KCNE3: variants seen among roughly 807,000 people sequenced by gnomAD.
The protein encoded by KCNE3 is potassium voltage-gated channel subfamily E regulatory subunit 3.
KCNE3 carries 2 observed loss-of-function variants against 4.3 expected under a neutral mutation model. That is an observed-to-expected ratio of 0.47 (90% CI 0.19 to 1.48). The LOEUF is 1.48. Among genes scored for constraint, KCNE3 ranks in the 40% most tolerant of loss-of-function variants. KCNE3 has a pLI of 0.25. For missense variants in KCNE3, 128 were observed against 136.8 expected, an observed-to-expected ratio of 0.94 and a Z score of 0.32; for synonymous variants, 47 against 52.0, an observed-to-expected ratio of 0.90 and a Z score of 0.41.
chr11:74,459,499 T>G (rs1013709778), intron 2 of KCNE3, among the ~76,000 whole-genome samples: 1 of 152,164 alleles, frequency 6.6e-6, no homozygotes, highest in East Asian at 1.9e-4. Flanking sequence ...CCTGACTTTG[T>G]GATTCGCCCA....
At chr11:74,461,290 T>A (rs1863946118) in intron 2 of KCNE3, among the ~76,000 whole-genome samples, 2 of 101,410 alleles carry the variant, frequency 2.0e-5, no homozygotes. Context: ...TATTTTTATG[T>A]TTTGTGTGTG....
chr11:74,462,241 C>T (rs12291914), intron 1 of KCNE3, 138 bp from the exon 2 acceptor site: 2,294 of 152,874 alleles, frequency 0.015, 54 homozygotes, highest in African/African-American at 0.053. Context: ...CCTCCCATGG[C>T]CCCTCCCCTT....
chr11:74,460,138 G>C (rs1376455660), intron 2 of KCNE3, among the ~76,000 whole-genome samples: 1 of 152,182 alleles, frequency 6.6e-6, no homozygotes, highest in Non-Finnish European at 1.5e-5. Context: ...TTCATGCAAG[G>C]CCTTTGGGGC....
At chr11:74,466,402 G>T (rs967299803) in intron 1 of KCNE3, among the ~76,000 whole-genome samples, 6 of 152,174 alleles carry the variant, frequency 3.9e-5, no homozygotes, top group African/African-American at 1.4e-4. Context: ...CCCCCAGCAT[G>T]GGTCTTCCTC....
At chr11:74,464,539 A>C (rs1176304232) in intron 1 of KCNE3, among the ~76,000 whole-genome samples, 1 of 152,176 alleles carries the variant, frequency 6.6e-6, no homozygotes, top group East Asian at 1.9e-4. Flanking sequence ...GAGCTGGAAG[A>C]GATCTTCATG....
chr11:74,460,750 T>G (rs1199294636), intron 2 of KCNE3, among the ~76,000 whole-genome samples: 4 of 152,154 alleles, frequency 2.6e-5, no homozygotes, highest in African/African-American at 9.7e-5. Flanking sequence ...AGTTGGAACT[T>G]TATTCTGTAG....
chr11:74,465,143 T>C (rs1239159328), intron 1 of KCNE3, among the ~76,000 whole-genome samples: 1 of 152,098 alleles, frequency 6.6e-6, no homozygotes. Context: ...TGTGTGTATG[T>C]GTATGTGTGT....
At position 74,457,342 on chromosome 11, in the gene KCNE3, G is replaced by C. The variant is rs760938276; in HGVS notation, c.222C>G (p.Ser74Arg). 25 of 1,614,100 alleles carry C rather than the reference G, an allele frequency of 1.5e-5. No individual in the cohort carries two copies. The highest frequency in any genetic ancestry group is 2.0e-5 in the Non-Finnish European group (24 of 1,180,042). The stretch of plus-strand genomic sequence containing the variant: ...GGGAGCGGGTGTATCCCAGGATGAG[G>C]CTGCCCACAGTTACAGCAAATAGAA... ...VMFLFAVTVG[S>R]LILGYTRSRK... Residue 74 changes from serine (S) to arginine (R), a missense_variant, in exon 3 of 3, where the codon AGC (serine) becomes AGG (arginine). By Grantham distance (110) the Ser-to-Arg change is moderately radical. Coordinates refer to ENST00000310128, the MANE Select transcript of KCNE3 (RefSeq NM_005472.5).
chr11:74,457,219 G>T lies in KCNE3; in HGVS notation c.*33C>A. 1 of 1,602,218 alleles carries T rather than the reference G, an allele frequency of 6.2e-7. No individual in the cohort carries two copies. Among genetic ancestry groups the T allele is most frequent in the Non-Finnish European group, 8.5e-7 (1 of 1,172,766 alleles). ...GAGGCCCCAGACGCAATCCCCAGGT[G>T]TCTTGGTCTTCCACCGTCCCAGCCC... On this transcript the variant is annotated 3_prime_UTR_variant, in exon 3 of 3. Transcript: ENST00000310128.
chr11:74,460,964 G>A (rs1458564392), intron 2 of KCNE3, among the ~76,000 whole-genome samples: 1 of 152,144 alleles, frequency 6.6e-6, no homozygotes, highest in Non-Finnish European at 1.5e-5. Context: ...GGAAGTGGGG[G>A]TAGAGACAGT....
intron 1 of KCNE3, among the ~76,000 whole-genome samples, chr11:74,465,871 TC>T (rs1864047973): frequency 6.6e-6 from 1 of 152,140 alleles, no homozygotes; most frequent in Non-Finnish European, 1.5e-5. Context: ...CTTTTCTGTC[TC>T]CACATCTTTC....
chr11:74,464,427 G>A (rs1864018304), intron 1 of KCNE3: 1 of 152,288 alleles, frequency 6.6e-6, no homozygotes, highest in South Asian at 2.1e-4. Flanking sequence ...CTGTCCCCTT[G>A]GTGGTCTTAC....
At chr11:74,460,960 G>T (rs961802773) in intron 2 of KCNE3, among the ~76,000 whole-genome samples, 3 of 152,130 alleles carry the variant, frequency 2.0e-5, no homozygotes, top group East Asian at 1.9e-4. Flanking sequence ...GTAGGGAAGT[G>T]GGGGTAGAGA....
chr11:74,463,992 G>A (rs1489800819), intron 1 of KCNE3, among the ~76,000 whole-genome samples: 1 of 152,182 alleles, frequency 6.6e-6, no homozygotes, highest in Non-Finnish European at 1.5e-5. Context: ...AGGTTGGTAA[G>A]CTTGGGAGGA....
At chr11:74,466,971 A>C (rs1440950340) in intron 1 of KCNE3, among the ~76,000 whole-genome samples, 3 of 152,210 alleles carry the variant, frequency 2.0e-5, no homozygotes, top group African/African-American at 7.2e-5. Context: ...GGAATGGGCA[A>C]GTCAGCTCCG....
chr11:74,459,317 A>G (rs1392255710), intron 2 of KCNE3, among the ~76,000 whole-genome samples: 1 of 132,618 alleles, frequency 7.5e-6, no homozygotes, highest in Non-Finnish European at 1.5e-5. Context: ...GCTGCAGTGC[A>G]GTGGCGCAAT....
At chr11:74,459,615 A>C (rs1863906904) in intron 2 of KCNE3, among the ~76,000 whole-genome samples, 1 of 151,968 alleles carries the variant, frequency 6.6e-6, no homozygotes, top group Non-Finnish European at 1.5e-5. Context: ...TTCCCTATAA[A>C]CAAGGCCCCA....
intron 1 of KCNE3, among the ~76,000 whole-genome samples, chr11:74,465,306 T>C: frequency 1.3e-5 from 2 of 152,280 alleles, no homozygotes; most frequent in South Asian, 4.1e-4. Context: ...CATACATTCA[T>C]GAAAACAGTT....
chr11:74,455,870 G>C lies in KCNE3; in HGVS notation c.*1382C>G, dbSNP rs1353043193. ...AGCCTCCCAAGTAGCTGGGAATACG[G>C]GCACCCGCCACCAGGTCTGGCTAAT... On this transcript the variant is annotated 3_prime_UTR_variant, in exon 3 of 3. Transcript: ENST00000310128. 6.6e-6 allele frequency: 1 copy of C among 151,802 alleles called. No homozygotes were observed. The highest frequency in any genetic ancestry group is 2.4e-5 in the African/African-American group (1 of 41,326). 9.4% of individuals were successfully genotyped at this position (151,802 alleles called of 1,614,324 possible). A position where few individuals can be genotyped will look rare whatever the true frequency, so the allele number is the denominator to read the frequency against.
Sources: gnomAD v4.1 joint callset for allele counts (sites outside exome capture counted in the v4.1 genomes callset) on GRCh38, gnomAD v4.1.1 for gene constraint, MANE v1.5 for transcripts, NCBI Gene and HGNC (gene_info 2026-07-23, HGNC 2026-07-21) for gene names.